The following LRMDA variants were observed in gnomAD, a reference collection of about 807,000 sequenced individuals.
LRMDA encodes leucine rich melanocyte differentiation associated, also known as leucine-rich melanocyte differentiation-associated protein.
A neutral mutation model predicts 29.8 loss-of-function variants in LRMDA; 18 were observed. The observed-to-expected ratio is 0.60, with a 90% CI of 0.42 to 0.90. The LOEUF (loss-of-function observed/expected upper bound fraction) is 0.90. LRMDA is among the 40% of genes least tolerant of loss of function. The probability of loss-of-function intolerance (pLI) is 0.00; values close to 1 mark genes in which losing one functional copy is unlikely to be tolerated. For synonymous variants in LRMDA, 125 were observed against 109.4 expected, an observed-to-expected ratio of 1.14 and a Z score of -0.89; for missense variants, 273 against 273.9, an observed-to-expected ratio of 1.00 and a Z score of 0.02.
At chr10:75,865,402 A>G (rs1165776214) in intron 2 of LRMDA, among the ~76,000 whole-genome samples, 1 of 152,188 alleles carries the variant, frequency 6.6e-6, no homozygotes, top group Non-Finnish European at 1.5e-5. Context: ...TTCATTATGC[A>G]AGTATATCTC....
At chr10:76,245,819 AG>A (rs1461651606) in intron 5 of LRMDA, among the ~76,000 whole-genome samples, 1 of 152,174 alleles carries the variant, frequency 6.6e-6, no homozygotes, top group Non-Finnish European at 1.5e-5. Flanking sequence ...GCAGTGGAGG[AG>A]GGGAGGATGG....
At chr10:76,159,351 A>G (rs1284971921) in intron 5 of LRMDA, among the ~76,000 whole-genome samples, 1 of 152,184 alleles carries the variant, frequency 6.6e-6, no homozygotes, top group African/African-American at 2.4e-5. Flanking sequence ...TGCACCTATT[A>G]GAATAGCCAA....
chr10:76,118,840 C>CTTTTTTTTTTTTTTTTTTTTT (rs962279433), intron 5 of LRMDA, among the ~76,000 whole-genome samples: 4 of 46,006 alleles, frequency 8.7e-5, no homozygotes, highest in East Asian at 7.2e-4. Flanking sequence ...TGCAAATACA[C>CTTTTTTTTTTTTTTTTTTTTT]TTTTTTTTTT....
intron 2 of LRMDA, among the ~76,000 whole-genome samples, chr10:75,774,720 A>G (rs968546886): frequency 2.0e-5 from 3 of 152,256 alleles, no homozygotes; most frequent in South Asian, 2.1e-4. Context: ...CTTTATTTAT[A>G]TCTGGTTTCA....
At chr10:75,470,434 T>C (rs1033942389) in intron 2 of LRMDA, among the ~76,000 whole-genome samples, 28 of 152,068 alleles carry the variant, frequency 1.8e-4, no homozygotes, top group Admixed American at 5.9e-4. Context: ...GAGGTGGAGG[T>C]TGCAGTGAGC....
chr10:76,221,107 T>C (rs1851825387), intron 5 of LRMDA, among the ~76,000 whole-genome samples: 1 of 152,096 alleles, frequency 6.6e-6, no homozygotes. Flanking sequence ...AATTAGGTAT[T>C]GATGGGACGT....
chr10:76,358,387 GCAC>G (rs1192266513), intron 6 of LRMDA, among the ~76,000 whole-genome samples: 1 of 152,216 alleles, frequency 6.6e-6, no homozygotes, highest in African/African-American at 2.4e-5. Flanking sequence ...TGTTCTTGGA[GCAC>G]CACTGGTGTC....
intron 2 of LRMDA, among the ~76,000 whole-genome samples, chr10:75,458,006 G>C (rs531670225): frequency 1.3e-5 from 2 of 152,262 alleles, no homozygotes; most frequent in African/African-American, 4.8e-5. Context: ...AAATCAAGGA[G>C]ATCATTAAGA....
intron 2 of LRMDA, among the ~76,000 whole-genome samples, chr10:75,570,130 A>G (rs1002332979): frequency 3.9e-5 from 6 of 152,210 alleles, no homozygotes; most frequent in Admixed American, 1.3e-4. Context: ...ATTAGTCCCA[A>G]TTTTGCCCTT....
chr10:75,755,862 A>C (rs1437562328), intron 2 of LRMDA, among the ~76,000 whole-genome samples: 1 of 152,138 alleles, frequency 6.6e-6, no homozygotes, highest in Non-Finnish European at 1.5e-5. Flanking sequence ...GCTACAAATA[A>C]AATCCATATT....
chr10:76,007,378 ACT>A (rs1847690413), intron 2 of LRMDA, among the ~76,000 whole-genome samples: 1 of 151,632 alleles, frequency 6.6e-6, no homozygotes, highest in Admixed American at 6.6e-5. Context: ...TGTCAACTTC[ACT>A]CTGGCACAAT....
chr10:76,446,971 C>A (rs541512517), intron 6 of LRMDA, among the ~76,000 whole-genome samples: 4 of 151,966 alleles, frequency 2.6e-5, no homozygotes, highest in Non-Finnish European at 5.9e-5. Context: ...GTTTAAATTG[C>A]TTCTCAGTAG....
At chr10:75,539,647 G>A (rs938870468) in intron 2 of LRMDA, among the ~76,000 whole-genome samples, 2 of 152,156 alleles carry the variant, frequency 1.3e-5, no homozygotes, top group African/African-American at 4.8e-5. Flanking sequence ...GTTTTCTCTT[G>A]CATGGTGGTG....
intron 2 of LRMDA, among the ~76,000 whole-genome samples, chr10:75,528,203 G>A (rs1313027470): frequency 6.6e-6 from 1 of 152,190 alleles, no homozygotes; most frequent in Non-Finnish European, 1.5e-5. Context: ...CAATGCCTGC[G>A]AGTTGGTAGC....
At chr10:75,657,594 A>T (rs892795685) in intron 2 of LRMDA, among the ~76,000 whole-genome samples, 1 of 152,128 alleles carries the variant, frequency 6.6e-6, no homozygotes, top group African/African-American at 2.4e-5. Context: ...CAGTTTTCTC[A>T]TCTGTAAAAT....
chr10:76,414,697 A>G (rs1472359454), intron 6 of LRMDA, among the ~76,000 whole-genome samples: 3 of 152,182 alleles, frequency 2.0e-5, no homozygotes, highest in Non-Finnish European at 4.4e-5. Context: ...TTCTGTGTGT[A>G]AGATTTGTAA....
chr10:75,843,745 G>T (rs1844583997), intron 2 of LRMDA, among the ~76,000 whole-genome samples: 1 of 152,180 alleles, frequency 6.6e-6, no homozygotes, highest in Non-Finnish European at 1.5e-5. Context: ...GACCCCTTAA[G>T]GTCCTCGTGG....
At chr10:76,200,109 G>T (rs934929647) in intron 5 of LRMDA, among the ~76,000 whole-genome samples, 2 of 152,024 alleles carry the variant, frequency 1.3e-5, no homozygotes, top group Non-Finnish European at 2.9e-5. Context: ...CTATAGGCGT[G>T]TGCCACCAAG....
intron 2 of LRMDA, among the ~76,000 whole-genome samples, chr10:75,795,326 G>A (rs1270422715): frequency 6.6e-6 from 1 of 152,114 alleles, no homozygotes; most frequent in African/African-American, 2.4e-5. Flanking sequence ...CCTGGGAGGT[G>A]GAGTTGCAGT....
Sources: gnomAD v4.1 joint callset for allele counts (sites outside exome capture counted in the v4.1 genomes callset) on GRCh38, gnomAD v4.1.1 for gene constraint, MANE v1.5 for transcripts, NCBI Gene and HGNC (gene_info 2026-07-23, HGNC 2026-07-21) for gene names.